Variants in AGAP3 observed in about 807,000 individuals in gnomAD.
AGAP3 encodes the protein arf-GAP with GTPase, ANK repeat and PH domain-containing protein 3.
A neutral mutation model predicts 96.9 loss-of-function variants in AGAP3; 24 were observed. That is an observed-to-expected ratio of 0.25 (90% confidence interval 0.18 to 0.35). The LOEUF (loss-of-function observed/expected upper bound fraction) is 0.35, where lower values mean the gene tolerates loss of function less well. AGAP3 is among the 10% of genes least tolerant of loss of function. The pLI is 1.00. For synonymous variants in AGAP3, 563 were observed against 536.1 expected (o/e 1.05, Z -0.69); for missense variants, 876 against 1,254.2 (o/e 0.70, Z 4.55).
Position 151,114,915 on chromosome 7 carries a change from G to A in AGAP3, c.332-1878G>A. On this transcript the variant is annotated intron_variant, in intron 1 of 17. Transcript: ENST00000397238. This position sits in a 1 kb window ranked among gnomAD's most constrained non-coding sequence, Gnocchi z 4.4. ...CGCCGCCCTGCAGGCCGCCCTCTGC[G>A]CCGCCAGTGAGCAGCCGGCGCGGCC... The A allele has an allele frequency of 2.0e-6, 2 of 991,114 alleles. No homozygotes were observed. The highest frequency in any genetic ancestry group is 2.4e-6 in the Non-Finnish European group (2 of 836,212). The allele number at this position is 991,114 out of a possible 1,614,324, so 61.4% of individuals were successfully genotyped here.
chr7:151,087,230 G>C lies in AGAP3; in HGVS notation c.331+158G>C, dbSNP rs113913785. ...GTTTGCCGATCTGTGTTGCAGAACC[G>C]GCGGGCAGCTTCGCCATATCTCGTT... On this transcript the variant is annotated intron_variant, in intron 1 of 17. Transcript: ENST00000397238. 3 of 765,232 alleles carry C rather than the reference G, an allele frequency of 3.9e-6. No homozygotes were observed. The Admixed American group carries it at 7.6e-5, about 19-fold the overall frequency. The allele number at this position is 765,232 out of a possible 1,614,324, so 47.4% of individuals were successfully genotyped here.
At position 151,123,193 on chromosome 7, in the gene AGAP3, A is replaced by AGCC. The variant is rs1046346361; in HGVS notation, c.1129-586_1129-584dup. 211 of 1,051,458 alleles carry AGCC rather than the reference A, an allele frequency of 2.0e-4. 1 individual carries two copies. The Admixed American group carries it at 3.6e-3, about 18-fold the overall frequency. The allele number at this position is 1,051,458 out of a possible 1,614,324, so 65.1% of individuals were successfully genotyped here. Reference sequence around the variant, plus strand: ...CTGCCGTTCCTGCTCCTGCTCCGGAAGCCGCCGCCGCCGCCGCGCTTGCCT... The same window carrying AGCC: ...CTGCCGTTCCTGCTCCTGCTCCGGAAGCCGCCGCCGCCGCCGCCGCGCTTGCCT... On this transcript the variant is annotated intron_variant, in intron 8 of 17. Transcript: ENST00000397238.
In AGAP3 at chr7:151,134,473, T is replaced by A; in HGVS notation, c.1400T>A (p.Leu467Gln). ...RTTVKVPGKR[L>Q]PRATPATAPG... is the part of the protein sequence containing the mutation. ...ACGGTGAAAGTGCCAGGGAAGCGCCTGCCCCGAGCCACACCTGCCACAGCC... is the reference window on the plus strand; with the variant it reads ...ACGGTGAAAGTGCCAGGGAAGCGCCAGCCCCGAGCCACACCTGCCACAGCC... Residue 467 changes from leucine (L) to glutamine (Q), a missense_variant, in exon 11 of 18, where the codon CTG (leucine) becomes CAG (glutamine). Physicochemically the swap from Leu to Gln is moderately radical, Grantham distance 113. This residue lies in a region of AGAP3 where 63 missense variants were observed against 114.5 expected (regional missense o/e 0.55). Transcript: ENST00000397238. 6.2e-7 allele frequency: 1 copy of A among 1,611,724 alleles called. No homozygotes were observed. Among genetic ancestry groups the A allele is most frequent in the African/African-American group, 1.3e-5 (1 of 75,028 alleles).
Position 151,118,384 on chromosome 7 carries a change from C to T in AGAP3, c.841+40C>T. On this transcript the variant is annotated intron_variant, in intron 6 of 17. Transcript: ENST00000397238. The surrounding 1 kb of genome is among the most constrained non-coding windows in gnomAD (Gnocchi z 6.1). ...GGGTGGGAGTCACTGGCAGCCGCGG[C>T]CCCAGTGCTGGCGATAGGAAGGCTC... is the stretch of plus-strand genomic sequence containing the variant. 6 of 1,596,924 alleles carry T rather than the reference C, an allele frequency of 3.8e-6. No individual in the cohort carries two copies. Among genetic ancestry groups the T allele is most frequent in the Non-Finnish European group, 5.1e-6 (6 of 1,167,124 alleles).
At position 151,144,030 on chromosome 7, in the gene AGAP3, A is replaced by G; in HGVS notation, c.*87A>G. On this transcript the variant is annotated 3_prime_UTR_variant, in exon 18 of 18. Transcript: ENST00000397238. ...AGGCACTGTGGGAACAGACACAGAGATGGAGAAGCAGGGACATGCTGAGAG... is the reference window on the plus strand; with the variant it reads ...AGGCACTGTGGGAACAGACACAGAGGTGGAGAAGCAGGGACATGCTGAGAG... 1.4e-6 allele frequency: 2 copies of G among 1,380,232 alleles called. No individual in the cohort carries two copies. The highest frequency in any genetic ancestry group is 2.6e-5 in the South Asian group (2 of 76,408). The allele number at this position is 1,380,232 out of a possible 1,614,324, so 85.5% of individuals were successfully genotyped here.
In AGAP3 at chr7:151,089,452, G is replaced by A. The variant is rs1003431917; in HGVS notation, c.331+2380G>A. On this transcript the variant is annotated intron_variant, in intron 1 of 17. Coordinates refer to ENST00000397238, the MANE Select transcript of AGAP3 (RefSeq NM_031946.7). ...TGTGTTTCCTGGGGCTAAGCCTCTCGGTGGAAAGGGGCGGCAGTTCCGAGT... is the reference window on the plus strand; with the variant it reads ...TGTGTTTCCTGGGGCTAAGCCTCTCAGTGGAAAGGGGCGGCAGTTCCGAGT... Among the ~76,000 whole-genome samples the A allele has an allele frequency of 4.3e-4, 66 of 152,262 alleles. 1 individual carries two copies. Among genetic ancestry groups the A allele is most frequent in the Non-Finnish European group, 7.4e-4 (50 of 68,024 alleles).
chr7:151,140,195 A>T lies in AGAP3; in HGVS notation c.1804+79A>T. On this transcript the variant is annotated intron_variant, in intron 13 of 17. Coordinates refer to ENST00000397238, the MANE Select transcript of AGAP3 (RefSeq NM_031946.7). The surrounding 1 kb of genome is among the most constrained non-coding windows in gnomAD (Gnocchi z 5.4). ...GGATAGTACCCTAAAAGTAACACCT[A>T]TTTTTTATTTTTTGTATTCAGTGGA... The T allele has an allele frequency of 1.5e-6, 2 of 1,325,500 alleles. No homozygotes were observed. The highest frequency in any genetic ancestry group is 4.2e-5 in the South Asian group (2 of 47,884). 82.1% of individuals were successfully genotyped at this position (1,325,500 alleles called of 1,614,324 possible).
In AGAP3 at chr7:151,114,712, C is replaced by G. The variant is rs1376278107; in HGVS notation, c.332-2081C>G. ...CCGTGCGCCCCGGCCGCGGCCCCGG[C>G]CCGGGCCCAGCCCCGTGCCCCTCGC... On this transcript the variant is annotated intron_variant, in intron 1 of 17. Coordinates refer to ENST00000397238, the MANE Select transcript of AGAP3 (RefSeq NM_031946.7). The surrounding 1 kb of genome is among the most constrained non-coding windows in gnomAD (Gnocchi z 4.4). 1.0e-6 allele frequency: 1 copy of G among 1,000,036 alleles called. No homozygotes were observed. The highest frequency in any genetic ancestry group is 1.2e-6 in the Non-Finnish European group (1 of 840,322). The allele number at this position is 1,000,036 out of a possible 1,614,324, so 61.9% of individuals were successfully genotyped here. A position where few individuals can be genotyped will look rare whatever the true frequency, so the allele number is the denominator to read the frequency against.
chr7:151,100,250 CAT>C (rs1459213381), intron 1 of AGAP3, among the ~76,000 whole-genome samples: 1 of 152,172 alleles, frequency 6.6e-6, no homozygotes, highest in Non-Finnish European at 1.5e-5. Context: ...GTCCTGAACC[CAT>C]GTTACTAGAT....
chr7:151,132,848 C>T (rs921696115), intron 10 of AGAP3, among the ~76,000 whole-genome samples: 4 of 152,198 alleles, frequency 2.6e-5, no homozygotes, highest in Non-Finnish European at 5.9e-5. Context: ...CAGAGGGAGC[C>T]CTGGTGAGAC....
chr7:151,129,812 G>T (rs1201700067), intron 10 of AGAP3, among the ~76,000 whole-genome samples: 6 of 152,168 alleles, frequency 3.9e-5, no homozygotes, highest in Non-Finnish European at 7.4e-5. Flanking sequence ...AGTATCGTAG[G>T]AGGCCAAAGG....
rs1800816843 is a variant in AGAP3, at chr7:151,141,658, G to C, written c.1805-240G>C. The C allele has an allele frequency of 1.8e-6, 1 of 547,542 alleles. No individual in the cohort carries two copies. 33.9% of individuals were successfully genotyped at this position (547,542 alleles called of 1,614,324 possible). A position where few individuals can be genotyped will look rare whatever the true frequency, so the allele number is the denominator to read the frequency against. On this transcript the variant is annotated intron_variant, in intron 13 of 17. Transcript: ENST00000397238. This position sits in a 1 kb window ranked among gnomAD's most constrained non-coding sequence, Gnocchi z 4.2. ...TGCCAAGATCTTGCATCCCCCATCT[G>C]TTTTCACTTAAGCTCCACAGGTGGT...
intron 1 of AGAP3, among the ~76,000 whole-genome samples, chr7:151,111,395 C>A (rs565746729): frequency 6.6e-6 from 1 of 152,338 alleles, no homozygotes; most frequent in Non-Finnish European, 1.5e-5. Context: ...CGAAAGAAAT[C>A]TGCCAACTCC....
At chr7:151,106,100 G>A (rs1324432808) in intron 1 of AGAP3, among the ~76,000 whole-genome samples, 3 of 151,950 alleles carry the variant, frequency 2.0e-5, no homozygotes, top group South Asian at 4.1e-4. Context: ...TTTCTGCCCC[G>A]CCAACAGAGT....
intron 1 of AGAP3, among the ~76,000 whole-genome samples, chr7:151,099,777 A>G (rs1370337098): frequency 6.6e-6 from 1 of 152,192 alleles, no homozygotes; most frequent in East Asian, 1.9e-4. Context: ...TCCTCACCCC[A>G]TCCTGGCATT....
intron 10 of AGAP3, 82 bp from the exon 11 acceptor site, chr7:151,134,318 A>G: frequency 6.7e-7 from 1 of 1,482,710 alleles, no homozygotes; most frequent in Non-Finnish European, 9.3e-7. Context: ...CACAGCAGGG[A>G]GAGACCTAGG....
chr7:151,129,911 C>T (rs957589575), intron 10 of AGAP3, among the ~76,000 whole-genome samples: 4 of 152,206 alleles, frequency 2.6e-5, no homozygotes, highest in Admixed American at 6.5e-5. Context: ...CAGTATTTCC[C>T]TGTTGAAAGG....
intron 1 of AGAP3, among the ~76,000 whole-genome samples, chr7:151,098,723 A>C (rs973454573): frequency 7.1e-6 from 1 of 139,886 alleles, no homozygotes; most frequent in Non-Finnish European, 1.5e-5. Flanking sequence ...CTTTGATTCA[A>C]TTTTCTTTTC....
In AGAP3 at chr7:151,118,129, G is replaced by A. The variant is rs2150472373; in HGVS notation, c.707-81G>A. ...CACTCACCAGGCCCTTTGCACACCT[G>A]CCCTTGGGCCAAATGCCCCCCACCA... On this transcript the variant is annotated intron_variant, in intron 5 of 17. Transcript: ENST00000397238. The surrounding 1 kb of genome is among the most constrained non-coding windows in gnomAD (Gnocchi z 6.1). 6.5e-7 allele frequency: 1 copy of A among 1,528,218 alleles called. No individual in the cohort carries two copies. The highest frequency in any genetic ancestry group is 8.8e-7 in the Non-Finnish European group (1 of 1,130,280). 94.7% of individuals were successfully genotyped at this position (1,528,218 alleles called of 1,614,324 possible). A position where few individuals can be genotyped will look rare whatever the true frequency, so the allele number is the denominator to read the frequency against.
Sources: allele counts gnomAD v4.1 joint callset (sites outside exome capture counted in the v4.1 genomes callset), GRCh38; gene constraint gnomAD v4.1.1; regional missense constraint gnomAD v4.1.1; non-coding constraint Gnocchi (gnomAD v3.1); transcripts MANE v1.5; gene names NCBI Gene and HGNC (gene_info 2026-07-23, HGNC 2026-07-21).